Variants in JAK1 observed in about 807,000 individuals in gnomAD.
JAK1 encodes tyrosine-protein kinase JAK1.
JAK1 carries 16 observed loss-of-function variants against 136.6 expected under a neutral mutation model. The ratio of observed to expected loss-of-function variants is 0.12; its 90% confidence interval spans 0.08 to 0.18. The LOEUF is 0.18. Ranked by LOEUF, JAK1 falls within the 10% of genes least tolerant of loss-of-function variation. JAK1 has a pLI of 1.00. For synonymous variants in JAK1, 492 were observed against 519.5 expected (o/e 0.95, Z 0.72); for missense variants, 859 against 1,450.1 (o/e 0.59, Z 6.62).
intron 1 of JAK1, among the ~76,000 whole-genome samples, chr1:64,918,166 T>C (rs1018191760): frequency 2.6e-5 from 4 of 152,188 alleles, no homozygotes; most frequent in Non-Finnish European, 5.9e-5. Context: ...GACTACCAGG[T>C]GATTTCTAAG....
chr1:64,886,647 A>G (rs1019141264), intron 1 of JAK1, among the ~76,000 whole-genome samples: 1 of 151,940 alleles, frequency 6.6e-6, no homozygotes, highest in Admixed American at 6.6e-5. Flanking sequence ...TGCTTTTTCC[A>G]TCAACAGCCC....
At chr1:65,017,425 G>T (rs772373073) in intron 2 of JAK1, among the ~76,000 whole-genome samples, 6 of 152,026 alleles carry the variant, frequency 3.9e-5, no homozygotes, top group Admixed American at 6.6e-5. Context: ...CTGAAATTGC[G>T]CCACTGCACT....
chr1:64,908,120 T>C lies in JAK1; in HGVS notation c.-77-21779A>G, dbSNP rs148086626. ...ATTTCAGACACTTTAGGAATACCCATTTATCTCTAAATAGTATTGGTAATA... is the reference window on the plus strand; with the variant it reads ...ATTTCAGACACTTTAGGAATACCCACTTATCTCTAAATAGTATTGGTAATA... On this transcript the variant is annotated intron_variant, in intron 1 of 24. Coordinates refer to ENST00000342505, the MANE Select transcript of JAK1 (RefSeq NM_002227.4). 9.5e-3 allele frequency among the ~76,000 whole-genome samples: 1,444 copies of C among 152,314 alleles called. 10 individuals carry two copies. The highest frequency in any genetic ancestry group is 0.015 in the Non-Finnish European group (988 of 68,026).
intron 1 of JAK1, among the ~76,000 whole-genome samples, chr1:64,945,185 G>T (rs1298335636): frequency 6.6e-6 from 1 of 152,124 alleles, no homozygotes; most frequent in East Asian, 1.9e-4. Flanking sequence ...ATGTTAACAA[G>T]ATGGCAGTTC....
intron 6 of JAK1, 107 bp downstream of exon 6, chr1:64,869,204 G>C (rs1656914142): frequency 1.3e-5 from 13 of 965,922 alleles, no homozygotes; most frequent in Non-Finnish European, 2.1e-5. Context: ...GTTTCATAGA[G>C]AGCAAAGGTC....
chr1:64,954,169 C>A (rs1299731247), intron 1 of JAK1, among the ~76,000 whole-genome samples: 1 of 152,176 alleles, frequency 6.6e-6, no homozygotes, highest in Non-Finnish European at 1.5e-5. Context: ...GAAAAAGTCT[C>A]TTTGAAGAGT....
chr1:64,908,367 G>A (rs1055777882), intron 1 of JAK1, among the ~76,000 whole-genome samples: 1 of 152,044 alleles, frequency 6.6e-6, no homozygotes, highest in Non-Finnish European at 1.5e-5. Flanking sequence ...GCTCTCTACT[G>A]AGCCACCATT....
intron 9 of JAK1, 106 bp from the exon 10 acceptor site, chr1:64,857,885 C>T: frequency 7.4e-7 from 1 of 1,343,134 alleles, no homozygotes; most frequent in Non-Finnish European, 1.0e-6. Flanking sequence ...ACAGCCCCAT[C>T]ACACTATCTG....
chr1:64,924,976 TA>T (rs1437306203), intron 1 of JAK1, among the ~76,000 whole-genome samples: 2 of 152,184 alleles, frequency 1.3e-5, no homozygotes, highest in African/African-American at 4.8e-5. Context: ...GACCCTAATC[TA>T]AACTATGGAC....
At chr1:64,843,946 A>C in intron 17 of JAK1, 118 bp downstream of exon 17, 27 of 1,149,486 alleles carry the variant, frequency 2.3e-5, no homozygotes, top group Non-Finnish European at 3.0e-5. Context: ...AGGCCCGTGA[A>C]GAGATTCAAA....
intron 1 of JAK1, among the ~76,000 whole-genome samples, chr1:64,951,975 G>T (rs532272554): frequency 6.6e-6 from 1 of 152,192 alleles, no homozygotes; most frequent in South Asian, 2.1e-4. Context: ...GCCTTTTAAA[G>T]AATTCATTCC....
chr1:64,892,407 A>C (rs1461883933), intron 1 of JAK1, among the ~76,000 whole-genome samples: 1 of 152,092 alleles, frequency 6.6e-6, no homozygotes, highest in African/African-American at 2.4e-5. Context: ...CAGCCTCCCA[A>C]GAAGGTGGGA....
chr1:64,846,636 A>G lies in JAK1; in HGVS notation c.1987+13T>C, dbSNP rs1462284051. On this transcript the variant is annotated intron_variant, in intron 14 of 24. Coordinates refer to ENST00000342505, the MANE Select transcript of JAK1 (RefSeq NM_002227.4). Reference sequence around the variant, plus strand: ...GCCAGGCCACCCACCCCTTTGAAAGAGAACACACTTACTCTCCACGTCGCG... The same window carrying G: ...GCCAGGCCACCCACCCCTTTGAAAGGGAACACACTTACTCTCCACGTCGCG... The G allele has an allele frequency of 6.2e-7, 1 of 1,608,772 alleles. No homozygotes were observed. Among genetic ancestry groups the G allele is most frequent in the East Asian group, 2.2e-5 (1 of 44,842 alleles).
chr1:64,889,313 C>G (rs138560117), intron 1 of JAK1, among the ~76,000 whole-genome samples: 1 of 152,156 alleles, frequency 6.6e-6, no homozygotes, highest in Non-Finnish European at 1.5e-5. Flanking sequence ...GTTCAATTCC[C>G]AACTCAAATG....
intron 2 of JAK1, 94 bp from the exon 3 acceptor site, chr1:64,883,569 C>T: frequency 9.2e-7 from 1 of 1,083,834 alleles, no homozygotes; most frequent in Non-Finnish European, 1.4e-6. Context: ...AAAGCAGAAA[C>T]ATTTGGTGTT....
At chr1:65,053,710 G>T (rs1036920408) in intron 1 of JAK1, among the ~76,000 whole-genome samples, 1 of 151,910 alleles carries the variant, frequency 6.6e-6, no homozygotes, top group Non-Finnish European at 1.5e-5. Context: ...AAAATTAGCC[G>T]GGCATGGTGG....
At chr1:65,037,046 C>T (rs538911070) in intron 2 of JAK1, among the ~76,000 whole-genome samples, 8 of 152,146 alleles carry the variant, frequency 5.3e-5, no homozygotes, top group South Asian at 2.1e-4. Flanking sequence ...ATTAGCAGGG[C>T]GTGGTAGCAC....
chr1:64,855,748 G>A lies in JAK1; in HGVS notation c.1459-50C>T, dbSNP rs758216431. ...ACATGTTTAAAATGGGGTCAGGCAT[G>A]GGTATGTAAGATATTAACATTAGGG... On this transcript the variant is annotated intron_variant, in intron 10 of 24. Coordinates refer to ENST00000342505, the MANE Select transcript of JAK1 (RefSeq NM_002227.4). 5 of 1,498,578 alleles carry A rather than the reference G, an allele frequency of 3.3e-6. No individual in the cohort carries two copies. The African/African-American group carries it at 6.9e-5, about 21-fold the overall frequency. 92.8% of individuals were successfully genotyped at this position (1,498,578 alleles called of 1,614,324 possible).
chr1:64,867,756 C>T (rs1212476376), intron 6 of JAK1, among the ~76,000 whole-genome samples: 3 of 152,110 alleles, frequency 2.0e-5, no homozygotes, highest in Non-Finnish European at 2.9e-5. Flanking sequence ...TTTGGGAGGC[C>T]GAGGCGGGCG....
Sources: allele counts gnomAD v4.1 joint callset (sites outside exome capture counted in the v4.1 genomes callset), GRCh38; gene constraint gnomAD v4.1.1; transcripts MANE v1.5; gene names NCBI Gene and HGNC (gene_info 2026-07-23, HGNC 2026-07-21).